The following ATAD2 variants were observed in gnomAD, a reference collection of about 807,000 sequenced individuals.
ATAD2 encodes ATPase family AAA domain-containing protein 2.
A neutral mutation model predicts 168.9 loss-of-function variants in ATAD2; 62 were observed. That is an observed-to-expected ratio of 0.37 (90% CI 0.30 to 0.45). The LOEUF (loss-of-function observed/expected upper bound fraction) is 0.45, where lower values mean the gene tolerates loss of function less well. Ranked by LOEUF, ATAD2 falls within the 20% of genes least tolerant of loss-of-function variation. The pLI, the probability that ATAD2 is intolerant of heterozygous loss-of-function variation, is 1.00. For synonymous variants in ATAD2, 613 were observed against 571.6 expected (o/e 1.07, Z -1.03); for missense variants, 1,419 against 1,667.8 (o/e 0.85, Z 2.60).
chr8:123,398,912 A>G (rs981901471), upstream of ATAD2, among the ~76,000 whole-genome samples: 1 of 152,254 alleles, frequency 6.6e-6, no homozygotes, highest in Non-Finnish European at 1.5e-5. Flanking sequence ...CAATATTTAA[A>G]GTAGTACAGT....
intron 22 of ATAD2, among the ~76,000 whole-genome samples, chr8:123,335,567 C>A (rs1408419795): frequency 6.6e-6 from 1 of 152,144 alleles, no homozygotes; most frequent in East Asian, 1.9e-4. Flanking sequence ...AAGAACTCTG[C>A]ATCTGTAATA....
At chr8:123,326,165 T>C (rs765203015) in intron 25 of ATAD2, 139 bp from the exon 26 acceptor site, 2 of 891,150 alleles carry the variant, frequency 2.2e-6, no homozygotes, top group Non-Finnish European at 3.3e-6. Flanking sequence ...ACTCATTCTG[T>C]TATAAGATTA....
At chr8:123,362,659 G>A (rs1195862646) in intron 8 of ATAD2, among the ~76,000 whole-genome samples, 1 of 151,282 alleles carries the variant, frequency 6.6e-6, no homozygotes, top group Non-Finnish European at 1.5e-5. Flanking sequence ...CTTGTGATCC[G>A]CCCGCCTCAG....
intron 2 of ATAD2, among the ~76,000 whole-genome samples, chr8:123,379,402 G>A (rs1223734890): frequency 2.0e-5 from 3 of 152,136 alleles, no homozygotes; most frequent in Non-Finnish European, 4.4e-5. Flanking sequence ...AGACTATGAA[G>A]TGGAGCCATA....
chr8:123,379,728 A>G (rs1264158091), intron 2 of ATAD2, among the ~76,000 whole-genome samples: 1 of 151,110 alleles, frequency 6.6e-6, no homozygotes, highest in Non-Finnish European at 1.5e-5. Context: ...ATGCCCAGCT[A>G]TATTTTTTAA....
intron 1 of ATAD2, among the ~76,000 whole-genome samples, chr8:123,403,389 T>C (rs1813031718): frequency 1.3e-5 from 2 of 151,370 alleles, no homozygotes; most frequent in Admixed American, 6.6e-5. Context: ...CGTGAGCCAC[T>C]GCGCCCAGCC....
At position 123,349,327 on chromosome 8, in the gene ATAD2, A is replaced by T; in HGVS notation, c.1764T>A (p.Gly588=). The T allele has an allele frequency of 6.2e-7, 1 of 1,614,094 alleles. No individual in the cohort carries two copies. Reference sequence around the variant, plus strand: ...TAAAGAGGAATTCTCTATCAAAGCGACCAGGCCTTCGTAAAGCAGGATCTA... The same window carrying T: ...TAAAGAGGAATTCTCTATCAAAGCGTCCAGGCCTTCGTAAAGCAGGATCTA... The part of the protein sequence containing the change: ...DSIDPALRRP[G]RFDREFLFSL... The change falls in exon 14 of 28, where the codon GGT becomes GGA. Residue 588 remains glycine, a synonymous_variant. Transcript: ENST00000287394.
intron 8 of ATAD2, 66 bp downstream of exon 8, chr8:123,368,992 T>C: frequency 1.1e-6 from 1 of 904,306 alleles, no homozygotes; most frequent in Non-Finnish European, 1.6e-6. Flanking sequence ...CCTGAAAGTC[T>C]AGAGTCCAGC....
At chr8:123,344,313 G>A (rs1828158168) in intron 19 of ATAD2, among the ~76,000 whole-genome samples, 1 of 148,764 alleles carries the variant, frequency 6.7e-6, no homozygotes, top group Non-Finnish European at 1.5e-5. Context: ...TTGCAGAATA[G>A]TATGTATCAT....
chr8:123,411,429 T>A (rs1301827685), intron 1 of ATAD2, among the ~76,000 whole-genome samples: 1 of 152,110 alleles, frequency 6.6e-6, no homozygotes, highest in Non-Finnish European at 1.5e-5. Context: ...GTTTTCCTGA[T>A]GAGAGGGCGG....
At chr8:123,394,106 A>G (rs552147220) in intron 1 of ATAD2, among the ~76,000 whole-genome samples, 2 of 152,242 alleles carry the variant, frequency 1.3e-5, no homozygotes, top group East Asian at 3.9e-4. Context: ...ACTGAAAAAA[A>G]AAAACGGAGT....
chr8:123,347,119 A>G lies in ATAD2; in HGVS notation c.2185T>C (p.Phe729Leu). ...ALQRVFPHAE[F>L]RTNKTLDSDI... ...GAGTCTAATGTTTTATTTGTTCTGA[A>G]TTCTGCATGTGGAAATACTCTCTGC... is the stretch of plus-strand genomic sequence containing the variant. Residue 729 changes from phenylalanine (F) to leucine (L), a missense_variant, in exon 16 of 28, where the codon TTC becomes CTC. By Grantham distance (22) the Phe-to-Leu change is conservative. Coordinates refer to ENST00000287394, the MANE Select transcript of ATAD2 (RefSeq NM_014109.4). 1 of 1,613,202 alleles carries G rather than the reference A, an allele frequency of 6.2e-7. No individual in the cohort carries two copies.
chr8:123,387,188 T>C (rs78397109), intron 1 of ATAD2, among the ~76,000 whole-genome samples: 4,207 of 152,236 alleles, frequency 0.028, 173 homozygotes, highest in African/African-American at 0.095. Context: ...ATAAGTTTTT[T>C]CTAGTAATAT....
At chr8:123,367,553 G>A (rs974060286) in intron 8 of ATAD2, among the ~76,000 whole-genome samples, 2 of 152,030 alleles carry the variant, frequency 1.3e-5, no homozygotes, top group Non-Finnish European at 2.9e-5. Flanking sequence ...GTGGTGGTGG[G>A]GATTCTAGGG....
In ATAD2 at chr8:123,409,582, G is replaced by A. The variant is rs113377527; in HGVS notation, c.-2282+6666C>T. ...ATCATACCTCACTACAGCTTTGATC[G>A]CCTGGGCTCAGGTGATCCTTCTGCC... On this transcript the variant is annotated intron_variant, in intron 1 of 28. Transcript: ENST00000521903. Among the ~76,000 whole-genome samples the A allele has an allele frequency of 6.1e-4, 93 of 151,864 alleles. 1 individual carries two copies. The highest frequency in any genetic ancestry group is 2.2e-3 in the African/African-American group (92 of 41,434).
chr8:123,365,376 C>T (rs1365986775), intron 8 of ATAD2, among the ~76,000 whole-genome samples: 5 of 152,048 alleles, frequency 3.3e-5, no homozygotes, highest in African/African-American at 1.2e-4. Context: ...ACAAATTCAA[C>T]ATAATTCCCA....
intron 20 of ATAD2, among the ~76,000 whole-genome samples, chr8:123,339,005 T>A (rs995862266): frequency 4.6e-5 from 7 of 152,194 alleles, no homozygotes; most frequent in African/African-American, 1.7e-4. Flanking sequence ...GGTAAAATTA[T>A]GTTACATATG....
intron 24 of ATAD2, among the ~76,000 whole-genome samples, chr8:123,329,460 C>A (rs1586856068): frequency 6.6e-6 from 1 of 152,042 alleles, no homozygotes; most frequent in Non-Finnish European, 1.5e-5. Flanking sequence ...TATGCTTACT[C>A]ATTAAAATTT....
At chr8:123,346,968 A>G (rs905609780) in intron 16 of ATAD2, 124 bp downstream of exon 16, 4 of 1,185,454 alleles carry the variant, frequency 3.4e-6, no homozygotes, top group Admixed American at 6.0e-5. Flanking sequence ...CAAATATCCC[A>G]GGTAAAGCAT....
Sources: gnomAD v4.1 joint callset for allele counts (sites outside exome capture counted in the v4.1 genomes callset) on GRCh38, gnomAD v4.1.1 for gene constraint, MANE v1.5 for transcripts, NCBI Gene and HGNC (gene_info 2026-07-23, HGNC 2026-07-21) for gene names.